Variants in SLC28A1 observed in about 807,000 individuals in gnomAD.
SLC28A1 encodes the protein solute carrier family 28 member 1, also known as sodium/nucleoside cotransporter 1.
Under a neutral mutation model 74.8 loss-of-function variants are expected in SLC28A1, and 64 were observed. That is an observed-to-expected ratio of 0.86 (90% CI 0.70 to 1.05). The LOEUF (loss-of-function observed/expected upper bound fraction) is 1.05, where lower values mean the gene tolerates loss of function less well. Among genes scored for constraint, SLC28A1 ranks in the 50% least tolerant of loss-of-function variants. The pLI, the probability that SLC28A1 is intolerant of heterozygous loss-of-function variation, is 0.00. For synonymous variants in SLC28A1, 359 were observed against 335.0 expected, an observed-to-expected ratio of 1.07 and a Z score of -0.78; for missense variants, 828 against 822.8, an observed-to-expected ratio of 1.01 and a Z score of -0.08.
chr15:84,946,112 A>ATAT (rs57190791), downstream of SLC28A1, among the ~76,000 whole-genome samples: 5 of 13,476 alleles, frequency 3.7e-4, no homozygotes, highest in African/African-American at 1.6e-3. Flanking sequence ...ATATATATAT[A>ATAT]TTTTTTTTTT....
intron 15 of SLC28A1, among the ~76,000 whole-genome samples, chr15:84,942,599 C>T (rs1371576501): frequency 2.0e-5 from 3 of 152,166 alleles, no homozygotes; most frequent in African/African-American, 7.2e-5. Context: ...CTATTCCAGA[C>T]AGGAAAACTG....
intron 7 of SLC28A1, 142 bp from the exon 8 acceptor site, chr15:84,905,397 A>G: frequency 1.5e-6 from 1 of 681,348 alleles, no homozygotes. Context: ...GGAGGGTGTG[A>G]CCACTGGCAA....
chr15:84,894,430 G>A (rs1442838681), intron 5 of SLC28A1, among the ~76,000 whole-genome samples: 2 of 151,410 alleles, frequency 1.3e-5, no homozygotes, highest in East Asian at 1.9e-4. Flanking sequence ...CCATTCTTAT[G>A]TGTCTTTCCT....
In SLC28A1 at chr15:84,935,108, A is replaced by T; in HGVS notation, c.1297A>T (p.Ile433Phe). 6.2e-7 allele frequency: 1 copy of T among 1,614,030 alleles called. No individual in the cohort carries two copies. ...KVVANIAANL[I>F]AFLAVLDFIN... Reference sequence around the variant, plus strand: ...GGTCGCCAACATCGCTGCCAACCTGATTGCGTTCCTGGCTGTGCTGGACTT... The same window carrying T: ...GGTCGCCAACATCGCTGCCAACCTGTTTGCGTTCCTGGCTGTGCTGGACTT... The change falls in exon 14 of 19, where the codon ATT becomes TTT. Residue 433 changes from isoleucine (I) to phenylalanine (F), a missense_variant. Ile to Phe is a conservative substitution (Grantham distance 21). This residue lies in a region of SLC28A1 where 767 missense variants were observed against 753.5 expected (regional missense o/e 1.02). Coordinates refer to ENST00000394573, the MANE Select transcript of SLC28A1 (RefSeq NM_004213.5).
chr15:84,918,439 G>A, intron 9 of SLC28A1, 85 bp from the exon 10 acceptor site: 2 of 955,180 alleles, frequency 2.1e-6, no homozygotes, highest in Middle Eastern at 2.4e-4. Context: ...GATGGAGTGG[G>A]CTGTCTGGGG....
In SLC28A1 at chr15:84,943,513, G is replaced by A; in HGVS notation, c.1650G>A (p.Met550Ile). 6.2e-7 allele frequency: 1 copy of A among 1,613,836 alleles called. No homozygotes were observed. Among genetic ancestry groups the A allele is most frequent in the Non-Finnish European group, 8.5e-7 (1 of 1,179,680 alleles). ...GFANFSSIGI[M>I]LGGLTSMVPQ... ...CCAATTTCAGCTCCATTGGGATCAT[G>A]CTGGGAGGCTTGAGTGAGTCTAATC... Residue 550 changes from methionine (M) to isoleucine (I), a missense_variant, in exon 16 of 19, where the codon ATG becomes ATA. Around this residue, in one of 3 missense-constraint regions of SLC28A1, gnomAD observed 767 missense variants for 753.5 expected, o/e 1.02. Coordinates refer to ENST00000394573, the MANE Select transcript of SLC28A1 (RefSeq NM_004213.5).
intron 15 of SLC28A1, among the ~76,000 whole-genome samples, chr15:84,935,880 C>T (rs1247746826): frequency 6.6e-6 from 1 of 151,846 alleles, no homozygotes; most frequent in East Asian, 1.9e-4. Context: ...ACATGTGCAC[C>T]CAATGAGCTG....
intron 8 of SLC28A1, among the ~76,000 whole-genome samples, chr15:84,906,850 T>C (rs1034575647): frequency 6.6e-6 from 1 of 152,162 alleles, no homozygotes; most frequent in African/African-American, 2.4e-5. Context: ...TTTGCAACTA[T>C]CATGATTTAC....
chr15:84,959,752 C>T, the SLC28A1 span, among the ~76,000 whole-genome samples: 2 of 152,180 alleles, frequency 1.3e-5, no homozygotes, highest in Non-Finnish European at 2.9e-5. Flanking sequence ...AGTTTCAAGG[C>T]ATTTTTCTTT....
chr15:84,891,078 A>T (rs1965319422), intron 5 of SLC28A1, among the ~76,000 whole-genome samples: 1 of 152,106 alleles, frequency 6.6e-6, no homozygotes. Context: ...GGGATATGGG[A>T]GGATGCTCAA....
rs1420108998 is a variant in SLC28A1, at chr15:84,908,678, C to T, written c.718-40C>T. 3 of 1,560,748 alleles carry T rather than the reference C, an allele frequency of 1.9e-6. No individual in the cohort carries two copies. The South Asian group carries it at 3.3e-5, about 17-fold the overall frequency. On this transcript the variant is annotated intron_variant, in intron 8 of 18. Transcript: ENST00000394573. ...GCTTCCTCCCTCCTCCCTTCCCAGC[C>T]TCACTGCCTGTTTTTGTTTGTTTTG...
At chr15:84,944,424 G>A (rs1973073015) in intron 16 of SLC28A1, 142 bp from the exon 17 acceptor site, 1 of 709,078 alleles carries the variant, frequency 1.4e-6, no homozygotes, top group Non-Finnish European at 2.6e-6. Context: ...AGCTCAGCAA[G>A]CTGTCAGGAG....
At chr15:84,892,099 G>T (rs898232387) in intron 5 of SLC28A1, among the ~76,000 whole-genome samples, 2 of 152,130 alleles carry the variant, frequency 1.3e-5, no homozygotes, top group South Asian at 4.1e-4. Context: ...CACTTTGGGA[G>T]GATGTAGTGG....
chr15:84,935,177 C>T lies in SLC28A1; in HGVS notation c.1366C>T (p.Gln456Ter), dbSNP rs754985427. ...CTGGCTGGGAGACATGGTGGACATCCAAGGGCTCAGCTTCCAGGTGCGTTT... is the reference window on the plus strand; with the variant it reads ...CTGGCTGGGAGACATGGTGGACATCTAAGGGCTCAGCTTCCAGGTGCGTTT... ...LSWLGDMVDIQGLSFQLICSY... is the reference protein window; with the variant it reads ...LSWLGDMVDI Residue 456 changes from glutamine to a stop codon, truncating the protein, a stop_gained, in exon 14 of 19, where the codon CAA (glutamine) becomes TAA (stop). Transcript: ENST00000394573. LOFTEE classifies it high-confidence loss of function. 3 of 1,613,966 alleles carry T rather than the reference C, an allele frequency of 1.9e-6. No individual in the cohort carries two copies. Among genetic ancestry groups the T allele is most frequent in the Non-Finnish European group, 2.5e-6 (3 of 1,179,870 alleles).
chr15:84,909,651 T>C (rs1967838743), intron 9 of SLC28A1, among the ~76,000 whole-genome samples: 1 of 152,204 alleles, frequency 6.6e-6, no homozygotes, highest in Non-Finnish European at 1.5e-5. Flanking sequence ...CTGCCTGTCT[T>C]ACACTCCAAC....
chr15:84,939,803 T>G (rs944893770), intron 15 of SLC28A1: 1 of 152,242 alleles, frequency 6.6e-6, no homozygotes, highest in Admixed American at 6.6e-5. Flanking sequence ...GCTGTAACTT[T>G]TGAGTGGTAT....
intron 15 of SLC28A1, among the ~76,000 whole-genome samples, chr15:84,937,516 G>A (rs1567184561): frequency 6.6e-6 from 1 of 152,074 alleles, no homozygotes; most frequent in Non-Finnish European, 1.5e-5. Flanking sequence ...TGCATTACTT[G>A]GGTGACTGGA....
intron 15 of SLC28A1, 67 bp downstream of exon 15, chr15:84,935,585 G>A: frequency 7.2e-7 from 1 of 1,396,146 alleles, no homozygotes; most frequent in Non-Finnish European, 1.0e-6. Flanking sequence ...CAGGGCCCCT[G>A]GCAGCTGCTC....
chr15:84,892,476 T>A (rs1205662544), intron 5 of SLC28A1, among the ~76,000 whole-genome samples: 4 of 152,128 alleles, frequency 2.6e-5, no homozygotes. Context: ...TTGTTTCTCT[T>A]GAAGAACAAT....
Sources: allele counts gnomAD v4.1 joint callset (sites outside exome capture counted in the v4.1 genomes callset), GRCh38; gene constraint gnomAD v4.1.1; regional missense constraint gnomAD v4.1.1; transcripts MANE v1.5; gene names NCBI Gene and HGNC (gene_info 2026-07-23, HGNC 2026-07-21).